The following GPC6 variants were observed in gnomAD, a reference collection of about 807,000 sequenced individuals.
The protein encoded by GPC6 is glypican 6.
Under a neutral mutation model 55.2 loss-of-function variants are expected in GPC6, and 14 were observed. The observed-to-expected ratio is 0.25, with a 90% confidence interval of 0.17 to 0.40. The LOEUF is 0.40. Ranked by LOEUF, GPC6 falls within the 10% of genes least tolerant of loss-of-function variation. The probability of loss-of-function intolerance (pLI) is 1.00; values close to 1 mark genes in which losing one functional copy is unlikely to be tolerated. For synonymous variants in GPC6, 278 were observed against 259.6 expected, an observed-to-expected ratio of 1.07 and a Z score of -0.68; for missense variants, 641 against 708.5, an observed-to-expected ratio of 0.90 and a Z score of 1.08.
At chr13:94,199,878 C>G (rs1889697039) in intron 4 of GPC6, among the ~76,000 whole-genome samples, 9 of 152,158 alleles carry the variant, frequency 5.9e-5, no homozygotes, top group Admixed American at 5.9e-4. Context: ...TATTCCAGGT[C>G]AGGCGTGGTG....
intron 1 of GPC6, among the ~76,000 whole-genome samples, chr13:93,359,920 G>C (rs538108981): frequency 6.6e-6 from 1 of 152,062 alleles, no homozygotes; most frequent in Non-Finnish European, 1.5e-5. Flanking sequence ...AAGTTAAAAC[G>C]TGTTGGAAGA....
At chr13:93,578,950 T>C (rs1876802847) in intron 2 of GPC6, among the ~76,000 whole-genome samples, 1 of 152,064 alleles carries the variant, frequency 6.6e-6, no homozygotes, top group African/African-American at 2.4e-5. Context: ...TACAGCAAAG[T>C]TGATGAAACT....
At chr13:94,246,863 G>T in intron 4 of GPC6, among the ~76,000 whole-genome samples, 1 of 151,902 alleles carries the variant, frequency 6.6e-6, no homozygotes, top group African/African-American at 2.4e-5. Context: ...GTCTTTTGTG[G>T]TTCTATATGA....
At chr13:94,025,637 T>TGG (rs1882868323) in intron 3 of GPC6, 1 of 152,182 alleles carries the variant, frequency 6.6e-6, no homozygotes, top group Non-Finnish European at 1.5e-5. Context: ...GTCTGGAGAT[T>TGG]ACATAATGGC....
chr13:93,756,037 G>A (rs1254164517), intron 2 of GPC6, among the ~76,000 whole-genome samples: 1 of 152,084 alleles, frequency 6.6e-6, no homozygotes, highest in Non-Finnish European at 1.5e-5. Flanking sequence ...TACATTTTTA[G>A]TGGAAGAGGT....
chr13:93,741,571 T>G (rs1214344880), intron 2 of GPC6, among the ~76,000 whole-genome samples: 2 of 152,196 alleles, frequency 1.3e-5, no homozygotes, highest in African/African-American at 2.4e-5. Flanking sequence ...TCAGTGCTCT[T>G]CCTTAGACGT....
chr13:93,969,858 A>G (rs988913755), intron 3 of GPC6, among the ~76,000 whole-genome samples: 1 of 152,132 alleles, frequency 6.6e-6, no homozygotes, highest in Non-Finnish European at 1.5e-5. Flanking sequence ...TTCACTTAAC[A>G]TAATGGCCTC....
chr13:94,176,924 C>T (rs1381209360), intron 4 of GPC6, among the ~76,000 whole-genome samples: 2 of 152,136 alleles, frequency 1.3e-5, no homozygotes, highest in East Asian at 3.8e-4. Flanking sequence ...AGAACTTCCG[C>T]ATGTGATGTT....
chr13:93,729,313 G>A (rs1405587136), intron 2 of GPC6, among the ~76,000 whole-genome samples: 1 of 152,126 alleles, frequency 6.6e-6, no homozygotes, highest in African/African-American at 2.4e-5. Context: ...TCTCAGAGGA[G>A]CAATAAACAC....
intron 1 of GPC6, among the ~76,000 whole-genome samples, chr13:93,493,343 G>A (rs1208914312): frequency 1.7e-5 from 1 of 57,540 alleles, no homozygotes; most frequent in Non-Finnish European, 3.4e-5. Context: ...ATGGTAGTTT[G>A]TATTTCTGTG....
At chr13:94,322,383 C>G (rs890660708) in intron 6 of GPC6, among the ~76,000 whole-genome samples, 3 of 152,164 alleles carry the variant, frequency 2.0e-5, no homozygotes, top group African/African-American at 4.8e-5. Context: ...GACGACTACA[C>G]CTACCCAGGC....
chr13:93,400,938 A>G (rs1876047319), intron 1 of GPC6, among the ~76,000 whole-genome samples: 1 of 152,132 alleles, frequency 6.6e-6, no homozygotes, highest in Non-Finnish European at 1.5e-5. Flanking sequence ...GGGTGGGAGC[A>G]GGACACACAT....
chr13:94,317,416 A>G (rs1246124077), intron 6 of GPC6, among the ~76,000 whole-genome samples: 1 of 152,200 alleles, frequency 6.6e-6, no homozygotes, highest in East Asian at 1.9e-4. Flanking sequence ...GGGTAAACAC[A>G]AAGCGTCCAG....
chr13:93,936,191 C>CATAAT (rs1878428105), intron 3 of GPC6, among the ~76,000 whole-genome samples: 1 of 152,118 alleles, frequency 6.6e-6, no homozygotes, highest in Non-Finnish European at 1.5e-5. Context: ...CATATTATGT[C>CATAAT]ATAATACTTG....
intron 6 of GPC6, among the ~76,000 whole-genome samples, chr13:94,354,276 GC>G: frequency 6.6e-6 from 1 of 151,840 alleles, no homozygotes; most frequent in East Asian, 1.9e-4. Flanking sequence ...CCATAATCCA[GC>G]AGTCAACTGA....
At chr13:93,431,881 G>C (rs115815914) in intron 1 of GPC6, among the ~76,000 whole-genome samples, 23 of 152,126 alleles carry the variant, frequency 1.5e-4, no homozygotes, top group African/African-American at 5.1e-4. Flanking sequence ...GTAGATAAGA[G>C]ATATAAAACT....
intron 4 of GPC6, among the ~76,000 whole-genome samples, chr13:94,037,290 C>G (rs1339965358): frequency 6.6e-6 from 1 of 151,756 alleles, no homozygotes; most frequent in Non-Finnish European, 1.5e-5. Flanking sequence ...TCTTGGTGAC[C>G]CAGTTTAACA....
At chr13:93,905,554 A>C (rs1876619098) in intron 3 of GPC6, among the ~76,000 whole-genome samples, 1 of 152,214 alleles carries the variant, frequency 6.6e-6, no homozygotes, top group Admixed American at 6.5e-5. Context: ...TTATTTGTTC[A>C]ACTTGCATCT....
At chr13:93,986,390 T>C (rs894001242) in intron 3 of GPC6, among the ~76,000 whole-genome samples, 1 of 152,178 alleles carries the variant, frequency 6.6e-6, no homozygotes, top group African/African-American at 2.4e-5. Flanking sequence ...TGTGTGATAA[T>C]TTCATTGGAA....
Sources: gnomAD v4.1 joint callset for allele counts (sites outside exome capture counted in the v4.1 genomes callset) on GRCh38, gnomAD v4.1.1 for gene constraint, MANE v1.5 for transcripts, NCBI Gene and HGNC (gene_info 2026-07-23, HGNC 2026-07-21) for gene names.